MGST1: variants seen among roughly 807,000 people sequenced by gnomAD.
The protein encoded by MGST1 is glutathione S-transferase 12.
A neutral mutation model predicts 8.9 loss-of-function variants in MGST1; 5 were observed. The observed-to-expected ratio is 0.56, with a 90% CI of 0.29 to 1.19. The LOEUF is 1.19. MGST1 is among the 50% of genes most tolerant of loss of function. The pLI is 0.08. For missense variants in MGST1, 182 were observed against 187.4 expected, an observed-to-expected ratio of 0.97 and a Z score of 0.17; for synonymous variants, 54 against 67.8, an observed-to-expected ratio of 0.80 and a Z score of 1.00.
chr12:16,386,226 C>T (rs185753703), intron 1 of MGST1, among the ~76,000 whole-genome samples: 1 of 152,282 alleles, frequency 6.6e-6, no homozygotes, highest in East Asian at 1.9e-4. Flanking sequence ...TTTCCCATTG[C>T]CACTAGATGT....
intron 4 of MGST1, among the ~76,000 whole-genome samples, chr12:16,570,516 G>A (rs761447160): frequency 1.3e-5 from 2 of 152,056 alleles, no homozygotes; most frequent in Non-Finnish European, 2.9e-5. Flanking sequence ...TGGTCATTTT[G>A]TGAACAGTTG....
At chr12:16,379,840 G>T (rs1436327441), downstream of MGST1, among the ~76,000 whole-genome samples, 3 of 152,104 alleles carry the variant, frequency 2.0e-5, no homozygotes, top group Admixed American at 2.0e-4. Context: ...TTATTGGTCT[G>T]TTCAGAGATT....
intron 1 of MGST1, among the ~76,000 whole-genome samples, chr12:16,434,980 T>C (rs1940971672): frequency 1.3e-5 from 2 of 152,032 alleles, no homozygotes; most frequent in Admixed American, 1.3e-4. Context: ...GTGTAACTCT[T>C]TCATTGCTAA....
chr12:16,449,247 C>T (rs1252353052), intron 4 of MGST1, among the ~76,000 whole-genome samples: 3 of 151,798 alleles, frequency 2.0e-5, no homozygotes, highest in Non-Finnish European at 2.9e-5. Flanking sequence ...AGAAGGTAAA[C>T]GGGAGGTCAG....
In MGST1 at chr12:16,410,596, A is replaced by C. The variant is rs931490851; in HGVS notation, n.779-26792A>C. Among the ~76,000 whole-genome samples the C allele has an allele frequency of 6.7e-6, 1 of 148,442 alleles. No homozygotes were observed. The highest frequency in any genetic ancestry group is 1.5e-5 in the Non-Finnish European group (1 of 67,310). On this transcript the variant is annotated intron_variant and non_coding_transcript_variant, in intron 1 of 1. Coordinates refer to the MGST1 transcript ENST00000359720. The surrounding 1 kb of genome is among the most constrained non-coding windows in gnomAD (Gnocchi z 4.4). The stretch of plus-strand genomic sequence containing the variant: ...ATATATATTTTTACACATACATATT[A>C]ATGTTTATATATTACATATAAATAT...
intron 1 of MGST1, among the ~76,000 whole-genome samples, chr12:16,407,502 AGG>A: frequency 6.6e-6 from 1 of 152,262 alleles, no homozygotes; most frequent in South Asian, 2.1e-4. Context: ...GAAAGCAGTG[AGG>A]CACTTCCTCA....
chr12:16,448,819 T>C (rs1299765994), intron 4 of MGST1, among the ~76,000 whole-genome samples: 1 of 151,886 alleles, frequency 6.6e-6, no homozygotes, highest in African/African-American at 2.4e-5. Flanking sequence ...TGCATGACTG[T>C]GTTAATGAAA....
intron 1 of MGST1, among the ~76,000 whole-genome samples, chr12:16,416,119 T>C (rs1247541507): frequency 6.6e-6 from 1 of 152,160 alleles, no homozygotes; most frequent in Non-Finnish European, 1.5e-5. Context: ...AAATATTCAA[T>C]GTGAGAATAA....
chr12:16,564,172 A>AAAATC, intron 4 of MGST1, among the ~76,000 whole-genome samples: 1 of 152,332 alleles, frequency 6.6e-6, no homozygotes, highest in South Asian at 2.1e-4. Context: ...CATGAATATA[A>AAAATC]AAATCAAACA....
intron 1 of MGST1, among the ~76,000 whole-genome samples, chr12:16,432,679 GAC>G (rs36054419): frequency 0.25 from 30,388 of 123,890 alleles, 3,535 homozygotes; most frequent in East Asian, 0.44. Flanking sequence ...CTCTCTCTCT[GAC>G]ACACACACAC....
intron 3 of MGST1, among the ~76,000 whole-genome samples, chr12:16,372,402 A>G (rs1317129701): frequency 6.6e-6 from 1 of 152,126 alleles, no homozygotes; most frequent in African/African-American, 2.4e-5. Flanking sequence ...GAATACATAC[A>G]AATGGCCAAC....
At position 16,493,032 on chromosome 12, in the gene MGST1, G is replaced by A. The variant is rs79651728; in HGVS notation, n.483-96496G>A. On this transcript the variant is annotated intron_variant and non_coding_transcript_variant, in intron 4 of 4. Coordinates refer to the MGST1 transcript ENST00000538857. ...TCTCCCCCGAGGAATGCACATGTGA[G>A]TAGGCTAAGGCCAATCAGAGCTCTC... Among the ~76,000 whole-genome samples, 195 of 152,302 alleles carry A rather than the reference G, an allele frequency of 1.3e-3. 4 individuals carry two copies. The East Asian group carries it at 0.032, about 25-fold the overall frequency.
intron 4 of MGST1, among the ~76,000 whole-genome samples, chr12:16,460,597 GTT>G (rs368666166): frequency 9.1e-5 from 12 of 131,990 alleles, no homozygotes; most frequent in South Asian, 5.0e-4. Flanking sequence ...ATTCAGGTCA[GTT>G]TTTTTTTTTT....
At position 16,547,282 on chromosome 12, in the gene MGST1, A is replaced by G. The variant is rs530737330; in HGVS notation, n.483-42246A>G. ...CGAATAAAGAGAGGCAGCTTCATTTATAACCGCTATTTCAACAGAGCTCTA... is the reference window on the plus strand; with the variant it reads ...CGAATAAAGAGAGGCAGCTTCATTTGTAACCGCTATTTCAACAGAGCTCTA... On this transcript the variant is annotated intron_variant and non_coding_transcript_variant, in intron 4 of 4. Transcript: ENST00000538857. This position sits in a 1 kb window ranked among gnomAD's most constrained non-coding sequence, Gnocchi z 4.6. Among the ~76,000 whole-genome samples, 7 of 152,298 alleles carry G rather than the reference A, an allele frequency of 4.6e-5. No individual in the cohort carries two copies. The highest frequency in any genetic ancestry group is 1.2e-4 in the African/African-American group (5 of 41,572).
In MGST1 at chr12:16,513,931, C is replaced by A; in HGVS notation, n.483-75597C>A. The A allele has an allele frequency of 1.8e-6, 1 of 550,028 alleles. No individual in the cohort carries two copies. The highest frequency in any genetic ancestry group is 3.5e-6 in the Non-Finnish European group (1 of 285,428). 34.1% of individuals were successfully genotyped at this position (550,028 alleles called of 1,614,324 possible). Reference sequence around the variant, plus strand: ...GCTACAAGGTTATCGATACTATGACCGCAAGACTTGCGGTTTTGACTTCAC... The same window carrying A: ...GCTACAAGGTTATCGATACTATGACAGCAAGACTTGCGGTTTTGACTTCAC... On this transcript the variant is annotated intron_variant and non_coding_transcript_variant, in intron 4 of 4. Coordinates refer to the MGST1 transcript ENST00000538857. The surrounding 1 kb of genome is among the most constrained non-coding windows in gnomAD (Gnocchi z 4.2).
chr12:16,395,294 G>A (rs1407886214), intron 1 of MGST1, among the ~76,000 whole-genome samples: 1 of 152,082 alleles, frequency 6.6e-6, no homozygotes, highest in Non-Finnish European at 1.5e-5. Context: ...TCTGCCATAT[G>A]TGAAGTATCC....
At chr12:16,402,169 A>G in intron 1 of MGST1, 1 of 1,569,696 alleles carries the variant, frequency 6.4e-7, no homozygotes, top group Non-Finnish European at 8.8e-7. Flanking sequence ...ATTTGTTTCA[A>G]AAACTCCACT....
rs184948380 is a variant in MGST1 at position 16,513,942 on chromosome 12, C to T, written n.483-75586C>T. ...ATCGATACTATGACCGCAAGACTTG[C>T]GGTTTTGACTTCACAGACACTGTGG... On this transcript the variant is annotated intron_variant and non_coding_transcript_variant, in intron 4 of 4. Coordinates refer to the MGST1 transcript ENST00000538857. This position sits in a 1 kb window ranked among gnomAD's most constrained non-coding sequence, Gnocchi z 4.2. 35 of 531,708 alleles carry T rather than the reference C, an allele frequency of 6.6e-5. No homozygotes were observed. Among genetic ancestry groups the T allele is most frequent in the East Asian group, 1.2e-4 (3 of 24,430 alleles). The allele number at this position is 531,708 out of a possible 1,614,324, so 32.9% of individuals were successfully genotyped here. A position where few individuals can be genotyped will look rare whatever the true frequency, so the allele number is the denominator to read the frequency against.
chr12:16,489,665 A>G (rs928147258), intron 4 of MGST1, among the ~76,000 whole-genome samples: 2 of 152,206 alleles, frequency 1.3e-5, no homozygotes, highest in Non-Finnish European at 2.9e-5. Flanking sequence ...ACATTTAGAG[A>G]TTAAATGTCT....
Sources: gnomAD v4.1 joint callset for allele counts (sites outside exome capture counted in the v4.1 genomes callset) on GRCh38, gnomAD v4.1.1 for gene constraint, Gnocchi (gnomAD v3.1) non-coding constraint, MANE v1.5 for transcripts, NCBI Gene and HGNC (gene_info 2026-07-23, HGNC 2026-07-21) for gene names.